The following PPM1L variants were observed in gnomAD, a reference collection of about 807,000 sequenced individuals.
The protein encoded by PPM1L is protein phosphatase 1L.
A neutral mutation model predicts 31.4 loss-of-function variants in PPM1L; 13 were observed. That is an observed-to-expected ratio of 0.41 (90% CI 0.27 to 0.66). The LOEUF is 0.66. PPM1L is among the 30% of genes least tolerant of loss of function. The pLI, the probability that PPM1L is intolerant of heterozygous loss-of-function variation, is 0.29. For missense variants in PPM1L, 326 were observed against 453.7 expected, an observed-to-expected ratio of 0.72 and a Z score of 2.56; for synonymous variants, 184 against 175.4, an observed-to-expected ratio of 1.05 and a Z score of -0.39.
intron 2 of PPM1L, chr3:161,035,690 G>C (rs1164528288): frequency 6.6e-6 from 1 of 152,210 alleles, no homozygotes; most frequent in African/African-American, 2.4e-5. Context: ...ATTGTTAATG[G>C]CAATTCTTGC....
intron 1 of PPM1L, among the ~76,000 whole-genome samples, chr3:160,849,195 A>G (rs1332089582): frequency 6.6e-6 from 1 of 151,952 alleles, no homozygotes; most frequent in Non-Finnish European, 1.5e-5. Context: ...CACATGCACT[A>G]TTTCTTGGTT....
intron 1 of PPM1L, among the ~76,000 whole-genome samples, chr3:160,896,605 A>G (rs1020876530): frequency 6.6e-6 from 1 of 152,246 alleles, no homozygotes; most frequent in Admixed American, 6.5e-5. Context: ...AAGTAAATGC[A>G]GAAGCCGTTG....
intron 1 of PPM1L, among the ~76,000 whole-genome samples, chr3:160,775,287 C>A (rs1203480236): frequency 6.6e-6 from 1 of 152,170 alleles, no homozygotes; most frequent in Non-Finnish European, 1.5e-5. Context: ...TTGCTGTGTG[C>A]CAATAGGCCT....
intron 1 of PPM1L, among the ~76,000 whole-genome samples, chr3:160,887,259 A>C (rs1270857145): frequency 4.6e-5 from 7 of 152,092 alleles, no homozygotes; most frequent in Admixed American, 3.9e-4. Context: ...GGAGACGGGG[A>C]GAATAAAAAC....
At chr3:160,955,029 T>C (rs1715724915) in intron 1 of PPM1L, among the ~76,000 whole-genome samples, 1 of 150,644 alleles carries the variant, frequency 6.6e-6, no homozygotes, top group Non-Finnish European at 1.5e-5. Context: ...TTCTTCTTTT[T>C]TTGACAGAGT....
At chr3:160,920,925 C>T (rs1714382620) in intron 1 of PPM1L, among the ~76,000 whole-genome samples, 2 of 152,180 alleles carry the variant, frequency 1.3e-5, no homozygotes, top group Admixed American at 6.5e-5. Flanking sequence ...TGTGAGACAG[C>T]AGCACAGTAG....
At chr3:161,034,496 A>G (rs144794692) in intron 2 of PPM1L, among the ~76,000 whole-genome samples, 1,622 of 152,100 alleles carry the variant, frequency 0.011, 27 homozygotes, top group African/African-American at 0.037. Flanking sequence ...TATACACCAT[A>G]TAATACCATG....
At chr3:160,910,601 G>A (rs575592285) in intron 1 of PPM1L, among the ~76,000 whole-genome samples, 307 of 152,230 alleles carry the variant, frequency 2.0e-3, no homozygotes, top group Non-Finnish European at 3.5e-3. Flanking sequence ...GTGAGCTATC[G>A]CGCCTGGCCG....
intron 1 of PPM1L, among the ~76,000 whole-genome samples, chr3:160,937,946 A>G (rs891370233): frequency 2.0e-5 from 3 of 152,204 alleles, no homozygotes; most frequent in African/African-American, 7.2e-5. Flanking sequence ...AAGTTTGTTG[A>G]TACTTAAATT....
chr3:160,868,280 G>T (rs1009049376), intron 1 of PPM1L, among the ~76,000 whole-genome samples: 1 of 152,170 alleles, frequency 6.6e-6, no homozygotes, highest in African/African-American at 2.4e-5. Context: ...CTTAGGGAAG[G>T]GGGGTCCAGG....
intron 2 of PPM1L, among the ~76,000 whole-genome samples, chr3:161,030,987 A>T (rs1235893966): frequency 2.0e-5 from 3 of 152,208 alleles, no homozygotes; most frequent in Non-Finnish European, 2.9e-5. Context: ...GATCTCAAAA[A>T]CCACACCTAC....
intron 2 of PPM1L, among the ~76,000 whole-genome samples, chr3:161,034,464 T>C (rs967062975): frequency 1.3e-5 from 2 of 152,140 alleles, no homozygotes; most frequent in Non-Finnish European, 2.9e-5. Context: ...AATGATAGAC[T>C]GGATAAAGAA....
In PPM1L at chr3:161,075,173, A is replaced by T. The variant is rs1576630934; in HGVS notation, c.*6016A>T. 6.6e-6 allele frequency: 1 copy of T among 152,316 alleles called. No homozygotes were observed. Among genetic ancestry groups the T allele is most frequent in the South Asian group, 2.1e-4 (1 of 4,826 alleles). The allele number at this position is 152,316 out of a possible 1,614,324, so 9.4% of individuals were successfully genotyped here. A position where few individuals can be genotyped will look rare whatever the true frequency, so the allele number is the denominator to read the frequency against. On this transcript the variant is annotated 3_prime_UTR_variant, in exon 4 of 4. Transcript: ENST00000498165. ...TGAGGCAGTTCATAAATTAAATATG[A>T]TATCATGCATTATCTCAAAATATTT...
At chr3:160,995,748 A>C (rs1717299712) in intron 2 of PPM1L, among the ~76,000 whole-genome samples, 1 of 152,222 alleles carries the variant, frequency 6.6e-6, no homozygotes, top group Non-Finnish European at 1.5e-5. Flanking sequence ...AAGGTCTTGA[A>C]TAGATGTGAG....
intron 1 of PPM1L, among the ~76,000 whole-genome samples, chr3:160,922,564 C>G (rs1359118776): frequency 6.6e-6 from 1 of 152,140 alleles, no homozygotes; most frequent in African/African-American, 2.4e-5. Context: ...TCATCTAAGT[C>G]TAAGGTCTTT....
intron 1 of PPM1L, among the ~76,000 whole-genome samples, chr3:160,892,130 G>A (rs1368846161): frequency 6.6e-6 from 1 of 152,068 alleles, no homozygotes; most frequent in African/African-American, 2.4e-5. Context: ...ATGTATCCCG[G>A]AACTTAAAAT....
At chr3:160,824,956 A>G (rs986720930) in intron 1 of PPM1L, among the ~76,000 whole-genome samples, 1 of 152,050 alleles carries the variant, frequency 6.6e-6, no homozygotes, top group Non-Finnish European at 1.5e-5. Flanking sequence ...CTAAATATTC[A>G]TATTTTAATT....
chr3:160,823,884 T>A (rs80272656), intron 1 of PPM1L, among the ~76,000 whole-genome samples: 1 of 152,134 alleles, frequency 6.6e-6, no homozygotes, highest in Non-Finnish European at 1.5e-5. Flanking sequence ...CTGTTCAGTA[T>A]TGATGACTAG....
intron 2 of PPM1L, among the ~76,000 whole-genome samples, chr3:161,003,844 C>G (rs1717595498): frequency 6.6e-6 from 1 of 151,198 alleles, no homozygotes; most frequent in African/African-American, 2.4e-5. Context: ...CTTCTCCTGC[C>G]TAATTGCCCT....
Sources: gnomAD v4.1 joint callset for allele counts (sites outside exome capture counted in the v4.1 genomes callset) on GRCh38, gnomAD v4.1.1 for gene constraint, MANE v1.5 for transcripts, NCBI Gene and HGNC (gene_info 2026-07-23, HGNC 2026-07-21) for gene names.